PTPRN2: variants seen among roughly 807,000 people sequenced by gnomAD.
PTPRN2 encodes protein tyrosine phosphatase receptor type N2.
In PTPRN2, 74 loss-of-function variants were observed where a neutral mutation model predicts 118.8. The ratio of observed to expected loss-of-function variants is 0.62; its 90% CI spans 0.52 to 0.76. The LOEUF (loss-of-function observed/expected upper bound fraction) is 0.76. Ranked by LOEUF, PTPRN2 falls within the 30% of genes least tolerant of loss-of-function variation. The pLI is 0.00. For missense variants in PTPRN2, 1,481 were observed against 1,394.4 expected (o/e 1.06, Z -0.99); for synonymous variants, 641 against 608.0 (o/e 1.05, Z -0.80).
At chr7:158,307,056 G>A (rs1358207883) in intron 3 of PTPRN2, among the ~76,000 whole-genome samples, 3 of 151,788 alleles carry the variant, frequency 2.0e-5, no homozygotes, top group African/African-American at 4.8e-5. Flanking sequence ...TAGTAGAGAC[G>A]GGGTTTCACC....
chr7:157,887,155 C>A (rs1379771046), intron 12 of PTPRN2, among the ~76,000 whole-genome samples: 8 of 151,844 alleles, frequency 5.3e-5, no homozygotes, highest in Non-Finnish European at 1.0e-4. Context: ...TGACCTCCCA[C>A]CAACCAAAGG....
chr7:157,691,076 C>CA lies in PTPRN2; in HGVS notation c.1789-8140_1789-8139insT, dbSNP rs980088008. On this transcript the variant is annotated intron_variant, in intron 12 of 22. Transcript: ENST00000389418. ...GGTTGCTATAGCGATGTCCCCCCCC[C>CA]CCCCCACATGTTGCTGACAGCAATT... Among the ~76,000 whole-genome samples the CA allele has an allele frequency of 5.0e-5, 6 of 120,516 alleles. 1 individual carries two copies. The highest frequency in any genetic ancestry group is 3.0e-4 in the Admixed American group (4 of 13,136). The allele number at this position is 120,516 out of a possible 152,430, so 79.1% of individuals were successfully genotyped here.
intron 14 of PTPRN2, among the ~76,000 whole-genome samples, chr7:157,639,561 A>G (rs1804545591): frequency 6.6e-6 from 1 of 152,250 alleles, no homozygotes; most frequent in Admixed American, 6.5e-5. Context: ...ATTAAGGGAA[A>G]TCCCCAGGAA....
At chr7:157,708,101 T>G (rs1798423958) in intron 12 of PTPRN2, among the ~76,000 whole-genome samples, 1 of 152,266 alleles carries the variant, frequency 6.6e-6, no homozygotes, top group African/African-American at 2.4e-5. Flanking sequence ...GAAGGGTCCC[T>G]GTAAGCAGGA....
At chr7:158,073,305 G>A (rs1009215936) in intron 11 of PTPRN2, among the ~76,000 whole-genome samples, 24 of 152,310 alleles carry the variant, frequency 1.6e-4, no homozygotes, top group African/African-American at 3.6e-4. Context: ...CCTGTGAGCC[G>A]CGGCTGCAGG....
intron 1 of PTPRN2, among the ~76,000 whole-genome samples, chr7:158,514,652 T>G (rs140555787): frequency 6.6e-6 from 1 of 152,174 alleles, no homozygotes; most frequent in African/African-American, 2.4e-5. Flanking sequence ...AAAAGAAGGA[T>G]ACCTACTTTC....
intron 11 of PTPRN2, among the ~76,000 whole-genome samples, chr7:157,930,542 C>T (rs1461368783): frequency 6.6e-6 from 1 of 152,356 alleles, no homozygotes; most frequent in African/African-American, 2.4e-5. Context: ...ACGTGACCGT[C>T]GTGAGCACCA....
chr7:157,657,150 ACAC>A (rs1795546884), intron 13 of PTPRN2, among the ~76,000 whole-genome samples: 1 of 137,280 alleles, frequency 7.3e-6, no homozygotes, highest in African/African-American at 2.8e-5. Context: ...CCACACACAC[ACAC>A]CACACACATC....
chr7:158,021,547 C>G (rs926340021), intron 11 of PTPRN2, among the ~76,000 whole-genome samples: 1 of 152,104 alleles, frequency 6.6e-6, no homozygotes, highest in Non-Finnish European at 1.5e-5. Context: ...GAATATAAAT[C>G]TCCCCCCGAG....
chr7:157,595,116 G>A, intron 17 of PTPRN2, 122 bp downstream of exon 17: 2 of 878,742 alleles, frequency 2.3e-6, no homozygotes, highest in East Asian at 2.6e-5. Flanking sequence ...TCTGATATAA[G>A]TAACATTTGA....
At chr7:157,827,391 AAC>A (rs1191097685) in intron 12 of PTPRN2, among the ~76,000 whole-genome samples, 3 of 151,646 alleles carry the variant, frequency 2.0e-5, no homozygotes, top group South Asian at 4.4e-4. Context: ...AACACAACAC[AAC>A]ACAACACAAC....
intron 11 of PTPRN2, among the ~76,000 whole-genome samples, chr7:158,059,155 C>T (rs1171155345): frequency 8.2e-6 from 1 of 121,820 alleles, no homozygotes; most frequent in Non-Finnish European, 1.6e-5. Flanking sequence ...ATCACTGCAG[C>T]CACACTCCAT....
chr7:157,873,706 C>G (rs533062204), intron 12 of PTPRN2, among the ~76,000 whole-genome samples: 26 of 151,788 alleles, frequency 1.7e-4, no homozygotes, highest in African/African-American at 6.0e-4. Context: ...GGGAGGAGAA[C>G]GTACTGTCCT....
chr7:158,365,901 A>G (rs1320843609), intron 2 of PTPRN2, among the ~76,000 whole-genome samples: 42 of 140,722 alleles, frequency 3.0e-4, no homozygotes, highest in African/African-American at 9.0e-4. Flanking sequence ...GCACGCGTGC[A>G]CACACACACA....
chr7:157,821,919 T>A (rs777148731), intron 12 of PTPRN2, among the ~76,000 whole-genome samples: 4 of 152,050 alleles, frequency 2.6e-5, no homozygotes, highest in Admixed American at 6.6e-5. Context: ...CATTCATCCA[T>A]CTATATATAC....
intron 17 of PTPRN2, among the ~76,000 whole-genome samples, chr7:157,586,657 T>C (rs1800691546): frequency 6.6e-6 from 1 of 151,228 alleles, no homozygotes; most frequent in Admixed American, 6.6e-5. Context: ...ACGTCTGTCC[T>C]GGAGACTCAG....
chr7:158,487,993 A>G (rs1421173983), intron 2 of PTPRN2, among the ~76,000 whole-genome samples: 1 of 151,896 alleles, frequency 6.6e-6, no homozygotes, highest in African/African-American at 2.4e-5. Context: ...AGACGACTCT[A>G]TGTCTGGGAG....
intron 3 of PTPRN2, among the ~76,000 whole-genome samples, chr7:158,258,275 G>A (rs553739567): frequency 9.2e-5 from 14 of 152,282 alleles, no homozygotes; most frequent in African/African-American, 2.6e-4. Context: ...TGAATCAGCC[G>A]CTGACGCCTC....
At chr7:158,304,160 A>G (rs1169654819) in intron 3 of PTPRN2, among the ~76,000 whole-genome samples, 1 of 150,060 alleles carries the variant, frequency 6.7e-6, no homozygotes, top group South Asian at 2.1e-4. Flanking sequence ...CATAAGATGT[A>G]CACAGGCTTG....
Sources: gnomAD v4.1 joint callset for allele counts (sites outside exome capture counted in the v4.1 genomes callset) on GRCh38, gnomAD v4.1.1 for gene constraint, MANE v1.5 for transcripts, NCBI Gene and HGNC (gene_info 2026-07-23, HGNC 2026-07-21) for gene names.